Variants in DLG2 observed in about 807,000 individuals in gnomAD.
The protein encoded by DLG2 is disks large homolog 2.
DLG2 carries 45 observed loss-of-function variants against 132.5 expected under a neutral mutation model. The observed-to-expected ratio is 0.34, with a 90% CI of 0.27 to 0.44. The LOEUF (loss-of-function observed/expected upper bound fraction) is 0.44. Ranked by LOEUF, DLG2 falls within the 20% of genes least tolerant of loss-of-function variation. The probability of loss-of-function intolerance (pLI) is 1.00; values close to 1 mark genes in which losing one functional copy is unlikely to be tolerated. For synonymous variants in DLG2, 424 were observed against 419.6 expected, an observed-to-expected ratio of 1.01 and a Z score of -0.13; for missense variants, 1,045 against 1,196.9, an observed-to-expected ratio of 0.87 and a Z score of 1.87.
intron 19 of DLG2, among the ~76,000 whole-genome samples, chr11:83,551,740 A>G (rs2096395950): frequency 6.6e-6 from 1 of 152,194 alleles, no homozygotes; most frequent in Admixed American, 6.5e-5. Context: ...GAGAGGACAT[A>G]TGGTTCCTTA....
chr11:83,617,733 C>T (rs910213145), intron 19 of DLG2, among the ~76,000 whole-genome samples: 3 of 152,124 alleles, frequency 2.0e-5, no homozygotes, highest in Non-Finnish European at 4.4e-5. Flanking sequence ...GGTGTTTAGG[C>T]TGGCTCCCTG....
chr11:84,531,598 C>G (rs1460769127), intron 7 of DLG2, among the ~76,000 whole-genome samples: 1 of 152,108 alleles, frequency 6.6e-6, no homozygotes, highest in Non-Finnish European at 1.5e-5. Context: ...CCTCACAGCC[C>G]CAGTGTAGAA....
At chr11:83,589,661 G>A (rs2097153771) in intron 19 of DLG2, among the ~76,000 whole-genome samples, 1 of 148,536 alleles carries the variant, frequency 6.7e-6, no homozygotes, top group Non-Finnish European at 1.5e-5. Context: ...AAATGTAAAT[G>A]GACTAAATGC....
intron 16 of DLG2, among the ~76,000 whole-genome samples, chr11:83,838,136 T>C (rs1045293449): frequency 1.3e-5 from 2 of 152,162 alleles, no homozygotes; most frequent in Non-Finnish European, 2.9e-5. Flanking sequence ...AATCATTTGA[T>C]TTATTCCTCA....
Position 85,122,963 on chromosome 11 carries a change from ATATATATTTTTTTTTT to A in DLG2, c.283-11244_283-11229del, listed in dbSNP as rs1217893063. 7.1e-5 allele frequency among the ~76,000 whole-genome samples: 4 copies of A among 55,948 alleles called. No individual in the cohort carries two copies. The East Asian group carries it at 3.1e-3, about 44-fold the overall frequency. The allele number at this position is 55,948 out of a possible 152,430, so 36.7% of individuals were successfully genotyped here. On this transcript the variant is annotated intron_variant, in intron 5 of 27. Transcript: ENST00000376104. ...CTGTATATATATTATATATATATAT[ATATATATTTTTTTTTT>A]TTTTTTTTTTTTTTTTGAGACAGAG... is the stretch of plus-strand genomic sequence containing the variant.
chr11:85,183,520 T>G lies in DLG2; in HGVS notation c.187-28869A>C, dbSNP rs115762182. Among the ~76,000 whole-genome samples the G allele has an allele frequency of 3.5e-3, 531 of 151,990 alleles. 3 individuals carry two copies. The highest frequency in any genetic ancestry group is 0.013 in the African/African-American group (521 of 41,514). On this transcript the variant is annotated intron_variant, in intron 4 of 27. Coordinates refer to ENST00000376104, the MANE Select transcript of DLG2 (RefSeq NM_001142699.3). The stretch of plus-strand genomic sequence containing the variant: ...AACAGCCAAAATTTGATTTCAGAAA[T>G]GACAACAAAACCATTGCCAGGGGGA...
At chr11:83,940,353 G>A (rs2082369464) in intron 14 of DLG2, among the ~76,000 whole-genome samples, 1 of 152,134 alleles carries the variant, frequency 6.6e-6, no homozygotes, top group African/African-American at 2.4e-5. Flanking sequence ...GTACTTTGAT[G>A]TATTTTAAAT....
At chr11:85,509,812 A>C (rs970906026) in intron 3 of DLG2, 1 of 152,116 alleles carries the variant, frequency 6.6e-6, no homozygotes, top group Non-Finnish European at 1.5e-5. Context: ...CTGTGATATA[A>C]GCTACAAAGA....
At chr11:85,070,892 C>G (rs1270615984) in intron 6 of DLG2, among the ~76,000 whole-genome samples, 1 of 151,714 alleles carries the variant, frequency 6.6e-6, no homozygotes, top group Non-Finnish European at 1.5e-5. Context: ...TACGTAGGTC[C>G]TTGTGAAGTT....
intron 2 of DLG2, among the ~76,000 whole-genome samples, chr11:85,617,527 T>C (rs895701429): frequency 6.6e-6 from 1 of 152,206 alleles, no homozygotes; most frequent in African/African-American, 2.4e-5. Flanking sequence ...TGAATATCAT[T>C]TGCTACTTCA....
In DLG2 at chr11:85,069,395, G is replaced by T. The variant is rs1029120561; in HGVS notation, c.357+42266C>A. ...ACAGAATGGGAGAAAATTTTTGCAA[G>T]CTACGCATCTGACAAAGGGCTAATA... On this transcript the variant is annotated intron_variant, in intron 6 of 27. Transcript: ENST00000376104. Among the ~76,000 whole-genome samples the T allele has an allele frequency of 4.0e-4, 61 of 152,058 alleles. 2 individuals are homozygous for T. The highest frequency in any genetic ancestry group is 3.4e-3 in the Middle Eastern group (1 of 294).
At chr11:84,843,448 C>T (rs2080967672) in intron 6 of DLG2, among the ~76,000 whole-genome samples, 1 of 151,528 alleles carries the variant, frequency 6.6e-6, no homozygotes, top group Admixed American at 6.6e-5. Flanking sequence ...AAACATATTC[C>T]CCAGAATGTA....
intron 6 of DLG2, among the ~76,000 whole-genome samples, chr11:84,845,153 G>T (rs923116419): frequency 1.3e-5 from 2 of 152,018 alleles, no homozygotes; most frequent in Admixed American, 6.6e-5. Flanking sequence ...AGGAGACAAG[G>T]GTTGGTTTAG....
chr11:83,627,630 T>G (rs2062821680), intron 19 of DLG2, among the ~76,000 whole-genome samples: 1 of 152,242 alleles, frequency 6.6e-6, no homozygotes, highest in African/African-American at 2.4e-5. Context: ...ACATTTGGAT[T>G]GGTTCCAAGT....
intron 7 of DLG2, among the ~76,000 whole-genome samples, chr11:84,481,229 T>C (rs2099136683): frequency 6.6e-6 from 1 of 152,224 alleles, no homozygotes; most frequent in African/African-American, 2.4e-5. Flanking sequence ...GTTGTCTTTT[T>C]TTATTTGGTA....
chr11:83,677,741 T>G, intron 18 of DLG2, among the ~76,000 whole-genome samples: 1 of 152,198 alleles, frequency 6.6e-6, no homozygotes, highest in East Asian at 1.9e-4. Context: ...AAAGATTTGT[T>G]GCTTAGAACT....
intron 4 of DLG2, among the ~76,000 whole-genome samples, chr11:85,219,689 G>GT (rs1186978055): frequency 4.7e-5 from 7 of 148,110 alleles, no homozygotes; most frequent in Non-Finnish European, 3.0e-5. Flanking sequence ...CTTATAAATA[G>GT]TAGCCATTAA....
chr11:83,497,556 AAAAAC>A (rs957878638), intron 21 of DLG2, among the ~76,000 whole-genome samples: 2 of 152,036 alleles, frequency 1.3e-5, no homozygotes, highest in African/African-American at 4.8e-5. Flanking sequence ...ACAAAAAACA[AAAAAC>A]AAAACAAAAC....
chr11:84,953,582 T>A (rs2051235122), intron 6 of DLG2, among the ~76,000 whole-genome samples: 1 of 151,998 alleles, frequency 6.6e-6, no homozygotes, highest in African/African-American at 2.4e-5. Flanking sequence ...ATTCCCCTTA[T>A]CAATAAAATA....
Sources: allele counts gnomAD v4.1 joint callset (sites outside exome capture counted in the v4.1 genomes callset), GRCh38; gene constraint gnomAD v4.1.1; transcripts MANE v1.5; gene names NCBI Gene and HGNC (gene_info 2026-07-23, HGNC 2026-07-21).